Variants in SMOC2 observed in about 807,000 individuals in gnomAD.
SMOC2 encodes the protein SPARC related modular calcium binding 2, also known as SPARC-related modular calcium-binding protein 2.
Under a neutral mutation model 61.4 loss-of-function variants are expected in SMOC2, and 39 were observed. The observed-to-expected ratio is 0.64, with a 90% CI of 0.49 to 0.83. SMOC2 has a LOEUF of 0.83. Ranked by LOEUF, SMOC2 falls within the 40% of genes least tolerant of loss-of-function variation. The pLI is 0.00. For missense variants in SMOC2, 556 were observed against 592.9 expected (o/e 0.94, Z 0.65); for synonymous variants, 247 against 239.9 (o/e 1.03, Z -0.27).
intron 7 of SMOC2, among the ~76,000 whole-genome samples, chr6:168,580,949 T>C (rs193070868): frequency 5.3e-5 from 8 of 152,342 alleles, no homozygotes; most frequent in Admixed American, 3.3e-4. Context: ...GCAAGCATCT[T>C]GTATTTAATA....
intron 9 of SMOC2, among the ~76,000 whole-genome samples, chr6:168,647,600 G>A (rs926361483): frequency 1.3e-5 from 2 of 152,194 alleles, no homozygotes; most frequent in East Asian, 3.8e-4. Context: ...TTCTGGGGTC[G>A]TTTCTCTTTT....
At chr6:168,518,801 G>T (rs1421024542) in intron 2 of SMOC2, among the ~76,000 whole-genome samples, 1 of 148,724 alleles carries the variant, frequency 6.7e-6, no homozygotes, top group Non-Finnish European at 1.5e-5. Flanking sequence ...GTATGTGCTT[G>T]TGTGTGAATG....
intron 8 of SMOC2, among the ~76,000 whole-genome samples, chr6:168,601,605 C>T (rs1284997709): frequency 2.6e-5 from 4 of 152,146 alleles, no homozygotes; most frequent in Non-Finnish European, 4.4e-5. Context: ...GGCTGGTTTA[C>T]AGTGCATATA....
chr6:168,666,663 T>C lies in SMOC2; in HGVS notation c.*225T>C, dbSNP rs992922526. The stretch of plus-strand genomic sequence containing the variant: ...ACAATGTATGTGTCCTCTTTTGACC[T>C]TGGAAATCTGTATGTGGTGGAGAAG... On this transcript the variant is annotated 3_prime_UTR_variant, in exon 13 of 13. Coordinates refer to ENST00000356284, the MANE Select transcript of SMOC2 (RefSeq NM_001166412.2). 6 of 581,974 alleles carry C rather than the reference T, an allele frequency of 1.0e-5. No homozygotes were observed. Among genetic ancestry groups the C allele is most frequent in the South Asian group, 2.3e-5 (1 of 43,068 alleles). 36.1% of individuals were successfully genotyped at this position (581,974 alleles called of 1,614,324 possible).
intron 9 of SMOC2, among the ~76,000 whole-genome samples, chr6:168,650,145 G>A (rs1787154681): frequency 2.0e-5 from 3 of 152,220 alleles, no homozygotes. Context: ...AAACCCTGCT[G>A]TGGACTGTTC....
chr6:168,449,222 G>A lies in SMOC2; in HGVS notation c.84+7768G>A, dbSNP rs1206867365. On this transcript the variant is annotated intron_variant, in intron 1 of 12. Coordinates refer to ENST00000356284, the MANE Select transcript of SMOC2 (RefSeq NM_001166412.2). The stretch of plus-strand genomic sequence containing the variant: ...GCTTGCCCCCTTATTCCTCTGCCAT[G>A]GCGTTTCTTATAACGTTGAGAAAAA... Among the ~76,000 whole-genome samples, 6 of 152,180 alleles carry A rather than the reference G, an allele frequency of 3.9e-5. No individual in the cohort carries two copies. The East Asian group carries it at 7.8e-4, about 20-fold the overall frequency.
In SMOC2 at chr6:168,553,158, TAA is replaced by T. The variant is rs1784169324; in HGVS notation, c.637+3956_637+3957del. 1.3e-5 allele frequency among the ~76,000 whole-genome samples: 2 copies of T among 152,170 alleles called. No homozygotes were observed. Among genetic ancestry groups the T allele is most frequent in the South Asian group, 4.1e-4 (2 of 4,822 alleles). ...TATTGATTTAAATTTAATAAATATA[TAA>T]GTCAAACATTCTCTTGGCTCATTTA... On this transcript the variant is annotated intron_variant, in intron 7 of 12. Coordinates refer to ENST00000356284, the MANE Select transcript of SMOC2 (RefSeq NM_001166412.2). The surrounding 1 kb of genome is among the most constrained non-coding windows in gnomAD (Gnocchi z 4.2).
rs1013423147 is a variant in SMOC2, at chr6:168,509,553, C to T, written c.85-362C>T. Reference sequence around the variant, plus strand: ...GTGATGAATGTGGAGGCAAATTAGTCGATGAATGTGGAGGCAAATTAGTCA... The same window carrying T: ...GTGATGAATGTGGAGGCAAATTAGTTGATGAATGTGGAGGCAAATTAGTCA... On this transcript the variant is annotated intron_variant, in intron 1 of 12. Transcript: ENST00000356284. Among the ~76,000 whole-genome samples the T allele has an allele frequency of 1.4e-4, 9 of 62,722 alleles. No homozygotes were observed. In the East Asian group the frequency reaches 1.8e-3, roughly 12 times the overall value. The allele number at this position is 62,722 out of a possible 152,430, so 41.1% of individuals were successfully genotyped here.
chr6:168,498,786 C>A (rs1157547760), intron 1 of SMOC2, among the ~76,000 whole-genome samples: 1 of 122,032 alleles, frequency 8.2e-6, no homozygotes, highest in African/African-American at 2.7e-5. Context: ...TCCTCCCAGC[C>A]CTACGAGTCA....
intron 9 of SMOC2, among the ~76,000 whole-genome samples, chr6:168,633,901 G>C (rs557069872): frequency 2.0e-5 from 3 of 152,152 alleles, no homozygotes; most frequent in Non-Finnish European, 4.4e-5. Flanking sequence ...TCATGGGGGT[G>C]GTTACCCCTA....
At chr6:168,513,339 T>TA (rs201664173) in intron 2 of SMOC2, among the ~76,000 whole-genome samples, 16,826 of 57,734 alleles carry the variant, frequency 0.29, 1,095 homozygotes, top group South Asian at 0.51. Flanking sequence ...TTTGTCCTTA[T>TA]AGGTTTTTTT....
rs1272431512 is a variant in SMOC2 at position 168,535,384 on chromosome 6, G to A, written c.463+7657G>A. Among the ~76,000 whole-genome samples the A allele has an allele frequency of 1.3e-5, 2 of 152,246 alleles. No individual in the cohort carries two copies. The highest frequency in any genetic ancestry group is 3.4e-3 in the Middle Eastern group (1 of 294). ...TTTTTCACTATATGCAGCTACAACAGTTAAATGTTGCAAAGATTTATGAAA... is the reference window on the plus strand; with the variant it reads ...TTTTTCACTATATGCAGCTACAACAATTAAATGTTGCAAAGATTTATGAAA... On this transcript the variant is annotated intron_variant, in intron 4 of 12. Coordinates refer to ENST00000356284, the MANE Select transcript of SMOC2 (RefSeq NM_001166412.2). This position sits in a 1 kb window ranked among gnomAD's most constrained non-coding sequence, Gnocchi z 4.6.
chr6:168,581,636 G>A (rs1194683078), intron 7 of SMOC2, among the ~76,000 whole-genome samples: 1 of 152,220 alleles, frequency 6.6e-6, no homozygotes, highest in Non-Finnish European at 1.5e-5. Flanking sequence ...CCAGGAGTCT[G>A]AAATTCACTT....
At chr6:168,455,709 A>G (rs1293042731) in intron 1 of SMOC2, among the ~76,000 whole-genome samples, 1 of 152,246 alleles carries the variant, frequency 6.6e-6, no homozygotes, top group East Asian at 1.9e-4. Context: ...CAGAAAGGAC[A>G]TAGAATGAGC....
Position 168,598,865 on chromosome 6 carries a change from C to G in SMOC2, c.685C>G (p.Gln229Glu), listed in dbSNP as rs1221813042. The change falls in exon 8 of 13, where the codon CAG (glutamine) becomes GAG (glutamate). Residue 229 changes from glutamine to glutamate, a missense_variant. By Grantham distance (29) the Gln-to-Glu change is conservative (BLOSUM62 2). Coordinates refer to ENST00000356284, the MANE Select transcript of SMOC2 (RefSeq NM_001166412.2). ...EHQSALEEAKQPKNDNVVIPE... is the reference protein window; with the variant it reads ...EHQSALEEAKEPKNDNVVIPE... ...CCAGTCTGCCCTGGAGGAAGCCAAG[C>G]AGCCCAAGAACGACAATGTGGTGAT... 1 of 1,613,886 alleles carries G rather than the reference C, an allele frequency of 6.2e-7. No homozygotes were observed. Among genetic ancestry groups the G allele is most frequent in the African/African-American group, 1.3e-5 (1 of 74,996 alleles).
intron 9 of SMOC2, among the ~76,000 whole-genome samples, chr6:168,645,394 C>A (rs1786998334): frequency 6.6e-6 from 1 of 152,158 alleles, no homozygotes; most frequent in Non-Finnish European, 1.5e-5. Flanking sequence ...CGGGGAAGGG[C>A]CACTCAGACA....
At chr6:168,637,144 A>G (rs778910662) in intron 9 of SMOC2, among the ~76,000 whole-genome samples, 2 of 152,030 alleles carry the variant, frequency 1.3e-5, no homozygotes, top group Non-Finnish European at 2.9e-5. Context: ...AGGGTCTAAC[A>G]CTGAGTAGTT....
chr6:168,443,710 A>T (rs921941086), intron 1 of SMOC2, among the ~76,000 whole-genome samples: 3 of 152,050 alleles, frequency 2.0e-5, no homozygotes, highest in Admixed American at 1.3e-4. Flanking sequence ...TGGTTTTTGG[A>T]AATCTCTTTT....
At chr6:168,654,135 A>C (rs1416037866) in intron 11 of SMOC2, among the ~76,000 whole-genome samples, 3 of 92,152 alleles carry the variant, frequency 3.3e-5, no homozygotes, top group African/African-American at 1.7e-4. Context: ...TTAGGAACTC[A>C]CCAACCCTGT....
Sources: gnomAD v4.1 joint callset for allele counts (sites outside exome capture counted in the v4.1 genomes callset) on GRCh38, gnomAD v4.1.1 for gene constraint, Gnocchi (gnomAD v3.1) non-coding constraint, MANE v1.5 for transcripts, NCBI Gene and HGNC (gene_info 2026-07-23, HGNC 2026-07-21) for gene names.